MYRIP: variants seen among roughly 807,000 people sequenced by gnomAD.
MYRIP encodes the protein myosin VIIA and Rab interacting protein, also known as rab effector MyRIP.
A neutral mutation model predicts 98.0 loss-of-function variants in MYRIP; 49 were observed. The ratio of observed to expected loss-of-function variants is 0.50; its 90% CI spans 0.40 to 0.63. The LOEUF (loss-of-function observed/expected upper bound fraction) is 0.63. MYRIP is among the 30% of genes least tolerant of loss of function. The pLI is 0.00. For missense variants in MYRIP, 1,004 were observed against 1,058.2 expected (o/e 0.95, Z 0.71); for synonymous variants, 404 against 409.5 (o/e 0.99, Z 0.16).
chr3:40,135,551 C>T lies in MYRIP; in HGVS notation c.333-15497C>T, dbSNP rs368744727. ...CAGAGAACGCCATAAAGATACTCCT[C>T]GAGAAGAGCAACTCCAAGACACAAA... On this transcript the variant is annotated intron_variant, in intron 3 of 16. Coordinates refer to ENST00000302541, the MANE Select transcript of MYRIP (RefSeq NM_015460.4). Among the ~76,000 whole-genome samples the T allele has an allele frequency of 1.4e-4, 21 of 152,216 alleles. No homozygotes were observed. The East Asian group carries it at 2.1e-3, about 15-fold the overall frequency.
At chr3:39,852,802 G>A (rs1446382564) in intron 1 of MYRIP, among the ~76,000 whole-genome samples, 6 of 151,442 alleles carry the variant, frequency 4.0e-5, no homozygotes, top group East Asian at 3.9e-4. Flanking sequence ...TCCTCTTCTC[G>A]AGATAGTCTC....
intron 3 of MYRIP, among the ~76,000 whole-genome samples, chr3:40,077,433 A>G (rs1307477143): frequency 1.3e-5 from 2 of 151,662 alleles, no homozygotes; most frequent in African/African-American, 4.9e-5. Context: ...GGTTCTCCAC[A>G]TCCCCACCAG....
chr3:39,958,587 C>A (rs1945236269), intron 2 of MYRIP, among the ~76,000 whole-genome samples: 1 of 152,102 alleles, frequency 6.6e-6, no homozygotes, highest in Non-Finnish European at 1.5e-5. Flanking sequence ...TAGAAGAAAA[C>A]CTAGGCAATA....
At chr3:40,246,260 A>G (rs1273606916) in intron 13 of MYRIP, among the ~76,000 whole-genome samples, 1 of 152,120 alleles carries the variant, frequency 6.6e-6, no homozygotes, top group East Asian at 1.9e-4. Context: ...CTTTTTCCAA[A>G]CAGGATTTTG....
intron 11 of MYRIP, among the ~76,000 whole-genome samples, chr3:40,214,423 G>A (rs762438685): frequency 6.6e-6 from 1 of 152,188 alleles, no homozygotes; most frequent in African/African-American, 2.4e-5. Flanking sequence ...ACAGAATCCT[G>A]TCCAGCAGCA....
At chr3:39,846,440 G>A (rs1045162240) in intron 1 of MYRIP, among the ~76,000 whole-genome samples, 1 of 152,092 alleles carries the variant, frequency 6.6e-6, no homozygotes, top group African/African-American at 2.4e-5. Context: ...ATCATCAGCA[G>A]TATCCCCTGG....
intron 3 of MYRIP, among the ~76,000 whole-genome samples, chr3:40,064,836 A>T (rs1326025899): frequency 6.6e-6 from 1 of 152,196 alleles, no homozygotes; most frequent in African/African-American, 2.4e-5. Context: ...TCACCCTGTT[A>T]AAAGCGATGG....
intron 3 of MYRIP, among the ~76,000 whole-genome samples, chr3:40,139,665 A>C (rs1323737312): frequency 6.6e-6 from 1 of 152,124 alleles, no homozygotes; most frequent in Non-Finnish European, 1.5e-5. Context: ...CTGCCACTTC[A>C]AACTCCTGGT....
chr3:39,926,774 C>G (rs1277028866), intron 2 of MYRIP, among the ~76,000 whole-genome samples: 6 of 151,872 alleles, frequency 4.0e-5, no homozygotes, highest in Admixed American at 3.9e-4. Context: ...AATGTGATGT[C>G]TTTGTTCTTT....
intron 3 of MYRIP, among the ~76,000 whole-genome samples, chr3:40,044,767 G>A (rs72871441): frequency 0.012 from 1,847 of 152,304 alleles, 32 homozygotes; most frequent in African/African-American, 0.04. Context: ...ACTGAGCAAG[G>A]AGAGACTGGC....
rs181054717 is a variant in MYRIP, at chr3:40,222,329, C to T, written c.1906-11530C>T. Among the ~76,000 whole-genome samples the T allele has an allele frequency of 2.9e-3, 448 of 152,206 alleles. 4 individuals are homozygous for T. The highest frequency in any genetic ancestry group is 3.3e-3 in the Non-Finnish European group (226 of 68,012). On this transcript the variant is annotated intron_variant, in intron 11 of 16. Coordinates refer to ENST00000302541, the MANE Select transcript of MYRIP (RefSeq NM_015460.4). ...TGCTATGAAAAGGGGTGGTAACCTC[C>T]GGGTGTTGCCGTGGCAGTGGTAAAC...
At chr3:40,198,418 A>G (rs1232075988) in intron 10 of MYRIP, among the ~76,000 whole-genome samples, 1 of 152,216 alleles carries the variant, frequency 6.6e-6, no homozygotes, top group African/African-American at 2.4e-5. Flanking sequence ...GACTACTTAG[A>G]AAAGGTAGAG....
intron 3 of MYRIP, among the ~76,000 whole-genome samples, chr3:40,107,576 G>A (rs1436834309): frequency 1.3e-5 from 2 of 152,152 alleles, no homozygotes; most frequent in Admixed American, 6.5e-5. Context: ...TGGCCTGGCT[G>A]AAAGAGGGAA....
chr3:39,975,045 G>T (rs998986379), intron 2 of MYRIP, among the ~76,000 whole-genome samples: 4 of 152,112 alleles, frequency 2.6e-5, no homozygotes, highest in African/African-American at 9.7e-5. Context: ...TTCTGGCCAG[G>T]GCAATCAGGC....
At chr3:40,200,576 T>C (rs1951527402) in intron 10 of MYRIP, among the ~76,000 whole-genome samples, 1 of 152,202 alleles carries the variant, frequency 6.6e-6, no homozygotes, top group Admixed American at 6.5e-5. Flanking sequence ...TGGGGCCTTC[T>C]TTTAGGTAGA....
intron 3 of MYRIP, among the ~76,000 whole-genome samples, chr3:40,146,369 C>T (rs890943778): frequency 5.9e-5 from 9 of 152,096 alleles, no homozygotes; most frequent in African/African-American, 1.7e-4. Flanking sequence ...CCAGTGTGAG[C>T]GTGTTTGTTA....
At chr3:40,045,948 G>A (rs1236654085) in intron 3 of MYRIP, among the ~76,000 whole-genome samples, 3 of 152,046 alleles carry the variant, frequency 2.0e-5, no homozygotes, top group Non-Finnish European at 4.4e-5. Flanking sequence ...TGTCACAGTG[G>A]GAGTACTTGA....
At position 40,259,257 on chromosome 3, in the gene MYRIP, A is replaced by G. The variant is rs1242374218; in HGVS notation, c.*1091A>G. On this transcript the variant is annotated 3_prime_UTR_variant, in exon 17 of 17. Transcript: ENST00000302541. Reference sequence around the variant, plus strand: ...GTTTCTTTGAACCCATATCAAATGTATGACTATTTAGAGTGTTTATAAGAG... The same window carrying G: ...GTTTCTTTGAACCCATATCAAATGTGTGACTATTTAGAGTGTTTATAAGAG... 1 of 152,248 alleles carries G rather than the reference A, an allele frequency of 6.6e-6. No homozygotes were observed. Among genetic ancestry groups the G allele is most frequent in the Non-Finnish European group, 1.5e-5 (1 of 68,040 alleles). The allele number at this position is 152,248 out of a possible 1,614,324, so 9.4% of individuals were successfully genotyped here.
At chr3:39,983,410 A>G (rs1945942788) in intron 2 of MYRIP, among the ~76,000 whole-genome samples, 1 of 152,244 alleles carries the variant, frequency 6.6e-6, no homozygotes, top group Non-Finnish European at 1.5e-5. Context: ...AACTTGAATA[A>G]TATGAGTTAC....
Sources: gnomAD v4.1 joint callset for allele counts (sites outside exome capture counted in the v4.1 genomes callset) on GRCh38, gnomAD v4.1.1 for gene constraint, MANE v1.5 for transcripts, NCBI Gene and HGNC (gene_info 2026-07-23, HGNC 2026-07-21) for gene names.